Variants in CPEB3 observed in about 807,000 individuals in gnomAD.
CPEB3 encodes cytoplasmic polyadenylation element-binding protein 3.
Under a neutral mutation model 67.2 loss-of-function variants are expected in CPEB3, and 20 were observed. That is an observed-to-expected ratio of 0.30 (90% CI 0.21 to 0.43). The LOEUF is 0.43. Among genes scored for constraint, CPEB3 ranks in the 20% least tolerant of loss-of-function variants. The probability of loss-of-function intolerance (pLI) is 1.00; values close to 1 mark genes in which losing one functional copy is unlikely to be tolerated. For missense variants in CPEB3, 746 were observed against 968.6 expected (o/e 0.77, Z 3.05); for synonymous variants, 376 against 393.1 (o/e 0.96, Z 0.51).
chr10:92,213,085 C>A lies in CPEB3; in HGVS notation c.1006-20449G>T, dbSNP rs187803969. ...GCATTCCGAAGTTTCAGCAACTAGG[C>A]CAGTTTATACATTTTACCAATCCCC... is the stretch of plus-strand genomic sequence containing the variant. On this transcript the variant is annotated intron_variant, in intron 2 of 9. Transcript: ENST00000265997. Among the ~76,000 whole-genome samples the A allele has an allele frequency of 1.1e-3, 162 of 152,214 alleles. 1 individual carries two copies. The highest frequency in any genetic ancestry group is 3.9e-3 in the African/African-American group (162 of 41,540).
chr10:92,229,395 C>T (rs1851152927), intron 2 of CPEB3, among the ~76,000 whole-genome samples: 1 of 152,092 alleles, frequency 6.6e-6, no homozygotes, highest in Non-Finnish European at 1.5e-5. Flanking sequence ...CTAGTCAGTT[C>T]TATTGTTAAT....
chr10:92,274,201 G>A (rs969399396), intron 1 of CPEB3, among the ~76,000 whole-genome samples: 1 of 152,156 alleles, frequency 6.6e-6, no homozygotes, highest in Non-Finnish European at 1.5e-5. Context: ...CTGAGATAAT[G>A]CATGTGAAGG....
At chr10:92,123,814 C>T (rs1845498641) in intron 6 of CPEB3, among the ~76,000 whole-genome samples, 1 of 152,148 alleles carries the variant, frequency 6.6e-6, no homozygotes, top group African/African-American at 2.4e-5. Flanking sequence ...TTTTTCTGTG[C>T]CAGTCTTCTC....
Position 92,280,446 on chromosome 10 carries a change from C to T in CPEB3, c.-12+10480G>A, listed in dbSNP as rs1255748973. ...CAGGTTTTAAAAATTCCTGTCCAGGCATAGCGACTCATGCCTATAATCCCA... is the reference window on the plus strand; with the variant it reads ...CAGGTTTTAAAAATTCCTGTCCAGGTATAGCGACTCATGCCTATAATCCCA... On this transcript the variant is annotated intron_variant, in intron 1 of 9. Transcript: ENST00000265997. Among the ~76,000 whole-genome samples the T allele has an allele frequency of 3.3e-5, 5 of 149,864 alleles. No individual in the cohort carries two copies. The East Asian group carries it at 7.9e-4, about 24-fold the overall frequency.
intron 7 of CPEB3, among the ~76,000 whole-genome samples, chr10:92,095,599 T>TAA (rs1843825867): frequency 1.2e-5 from 1 of 82,778 alleles, no homozygotes; most frequent in Non-Finnish European, 2.3e-5. Flanking sequence ...TATATATATA[T>TAA]ATTTTTTTTT....
intron 2 of CPEB3, among the ~76,000 whole-genome samples, chr10:92,200,722 C>G (rs749631014): frequency 6.6e-6 from 1 of 151,626 alleles, no homozygotes; most frequent in Non-Finnish European, 1.5e-5. Context: ...AAAAAAAAAC[C>G]AAGGATAGTA....
chr10:92,057,846 G>A (rs538164500), intron 9 of CPEB3, among the ~76,000 whole-genome samples: 1 of 152,314 alleles, frequency 6.6e-6, no homozygotes, highest in South Asian at 2.1e-4. Flanking sequence ...AGACCATCAA[G>A]GCAGCACGTC....
At chr10:92,137,872 G>C (rs977692694) in intron 6 of CPEB3, 2 of 169,648 alleles carry the variant, frequency 1.2e-5, no homozygotes, top group African/African-American at 4.8e-5. Context: ...ATGGTGGCAA[G>C]TGCCTGTAGT....
In CPEB3 at chr10:92,047,273, AAAC is replaced by A. The variant is rs962934615; in HGVS notation, c.*4936_*4938del. On this transcript the variant is annotated 3_prime_UTR_variant, in exon 10 of 10. Transcript: ENST00000265997. ...TTTGGTTATTATAAAAGAAAAAAAA[AAAC>A]AAATGTTAGCTGACATACCATACAA... The A allele has an allele frequency of 9.2e-5, 14 of 152,074 alleles. No individual in the cohort carries two copies. The highest frequency in any genetic ancestry group is 1.5e-4 in the Non-Finnish European group (10 of 67,996). 9.4% of individuals were successfully genotyped at this position (152,074 alleles called of 1,614,324 possible). A position where few individuals can be genotyped will look rare whatever the true frequency, so the allele number is the denominator to read the frequency against.
At chr10:92,267,155 TA>T (rs1853096038) in intron 1 of CPEB3, among the ~76,000 whole-genome samples, 1 of 152,190 alleles carries the variant, frequency 6.6e-6, no homozygotes, top group Non-Finnish European at 1.5e-5. Context: ...GTGAAAATCC[TA>T]ATGCAGGAGT....
At chr10:92,178,615 A>G (rs1848329386) in intron 4 of CPEB3, among the ~76,000 whole-genome samples, 1 of 151,958 alleles carries the variant, frequency 6.6e-6, no homozygotes, top group Admixed American at 6.6e-5. Flanking sequence ...TCGAGGTGGG[A>G]GGATTGCTTG....
At position 92,047,474 on chromosome 10, in the gene CPEB3, AATAG is replaced by A. The variant is rs1336624881; in HGVS notation, c.*4734_*4737del. ...TAAATGCCATTTTTGTTGCTAATAT[AATAG>A]ATAAAATGAAAACTAGCAGTTATTT... is the stretch of plus-strand genomic sequence containing the variant. On this transcript the variant is annotated 3_prime_UTR_variant, in exon 10 of 10. Transcript: ENST00000265997. The A allele has an allele frequency of 3.3e-5, 5 of 152,218 alleles. No homozygotes were observed. The highest frequency in any genetic ancestry group is 1.5e-5 in the Non-Finnish European group (1 of 68,038). The allele number at this position is 152,218 out of a possible 1,614,324, so 9.4% of individuals were successfully genotyped here. A position where few individuals can be genotyped will look rare whatever the true frequency, so the allele number is the denominator to read the frequency against.
At chr10:92,254,253 C>T (rs1483601123) in intron 1 of CPEB3, among the ~76,000 whole-genome samples, 1 of 151,798 alleles carries the variant, frequency 6.6e-6, no homozygotes, top group Admixed American at 6.6e-5. Flanking sequence ...TGCAAAGTTC[C>T]TTGACTTCAA....
intron 1 of CPEB3, among the ~76,000 whole-genome samples, chr10:92,280,671 A>C (rs1288227421): frequency 1.4e-5 from 2 of 146,948 alleles, no homozygotes; most frequent in African/African-American, 4.9e-5. Context: ...AAAAAAAAAA[A>C]CCAAACAAAC....
At chr10:92,132,568 A>C (rs2133729317) in intron 6 of CPEB3, among the ~76,000 whole-genome samples, 1 of 152,254 alleles carries the variant, frequency 6.6e-6, no homozygotes, top group Non-Finnish European at 1.5e-5. Context: ...ACTACAAAAA[A>C]ACATTAAAGA....
chr10:92,219,617 C>T (rs543110901), intron 2 of CPEB3, among the ~76,000 whole-genome samples: 4 of 152,238 alleles, frequency 2.6e-5, no homozygotes, highest in South Asian at 2.1e-4. Flanking sequence ...TCAGATATCC[C>T]GTTACATTTT....
At chr10:92,223,067 T>C (rs1361084823) in intron 2 of CPEB3, among the ~76,000 whole-genome samples, 1 of 152,230 alleles carries the variant, frequency 6.6e-6, no homozygotes, top group African/African-American at 2.4e-5. Context: ...TGGTTAGGAA[T>C]TCCTTACTGT....
chr10:92,092,235 A>C (rs1294053252), intron 7 of CPEB3, among the ~76,000 whole-genome samples: 1 of 152,190 alleles, frequency 6.6e-6, no homozygotes, highest in Non-Finnish European at 1.5e-5. Flanking sequence ...TTTTAGAGAC[A>C]GAGTCTGCAT....
chr10:92,144,630 T>A (rs149332300), intron 5 of CPEB3, among the ~76,000 whole-genome samples: 25 of 152,338 alleles, frequency 1.6e-4, no homozygotes, highest in African/African-American at 4.6e-4. Context: ...TGGAATCTAA[T>A]TGAATTTGAG....
Sources: gnomAD v4.1 joint callset for allele counts (sites outside exome capture counted in the v4.1 genomes callset) on GRCh38, gnomAD v4.1.1 for gene constraint, MANE v1.5 for transcripts, NCBI Gene and HGNC (gene_info 2026-07-23, HGNC 2026-07-21) for gene names.